The following SLC45A4 variants were observed in gnomAD, a reference collection of about 807,000 sequenced individuals.
SLC45A4 encodes the protein solute carrier family 45 member 4.
Under a neutral mutation model 63.7 loss-of-function variants are expected in SLC45A4, and 32 were observed. The observed-to-expected ratio is 0.50, with a 90% CI of 0.38 to 0.67. The LOEUF (loss-of-function observed/expected upper bound fraction) is 0.67. Ranked by LOEUF, SLC45A4 falls within the 30% of genes least tolerant of loss-of-function variation. The probability of loss-of-function intolerance (pLI) is 0.00; values close to 1 mark genes in which losing one functional copy is unlikely to be tolerated. For synonymous variants in SLC45A4, 535 were observed against 510.0 expected, an observed-to-expected ratio of 1.05 and a Z score of -0.66; for missense variants, 1,027 against 1,157.7, an observed-to-expected ratio of 0.89 and a Z score of 1.64.
Position 141,254,866 on chromosome 8 carries a change from G to A in SLC45A4, c.-400-237C>T, listed in dbSNP as rs1045684302. Reference sequence around the variant, plus strand: ...GAAGGACAAAGGTGGGGCAATCAAGGAAAGCAGGATCAAAGAACAGACAGA... The same window carrying A: ...GAAGGACAAAGGTGGGGCAATCAAGAAAAGCAGGATCAAAGAACAGACAGA... On this transcript the variant is annotated intron_variant, in intron 1 of 8. Transcript: ENST00000517878. This position sits in a 1 kb window ranked among gnomAD's most constrained non-coding sequence, Gnocchi z 4.5. 3 of 425,168 alleles carry A rather than the reference G, an allele frequency of 7.1e-6. No individual in the cohort carries two copies. Among genetic ancestry groups the A allele is most frequent in the African/African-American group, 4.1e-5 (2 of 49,338 alleles). 26.3% of individuals were successfully genotyped at this position (425,168 alleles called of 1,614,324 possible).
intron 4 of SLC45A4, 39 bp downstream of exon 4, chr8:141,219,611 T>C (rs756962903): frequency 2.5e-6 from 4 of 1,571,444 alleles, no homozygotes; most frequent in Middle Eastern, 1.7e-4. Flanking sequence ...CCCGGGCACG[T>C]TGGAACCCGG....
chr8:141,298,334 G>C (rs926301688), intron 1 of SLC45A4, among the ~76,000 whole-genome samples: 5 of 152,230 alleles, frequency 3.3e-5, no homozygotes, highest in African/African-American at 1.2e-4. Context: ...CCCAGCCATG[G>C]GTCAGATGCC....
chr8:141,211,263 G>C lies in SLC45A4; in HGVS notation c.*309C>G, dbSNP rs561396591. ...TTTCCTTCCCCCTGACGTTGGGAGCGGTCTGGAGGGGCAACCTGGCCTCCT... is the reference window on the plus strand; with the variant it reads ...TTTCCTTCCCCCTGACGTTGGGAGCCGTCTGGAGGGGCAACCTGGCCTCCT... On this transcript the variant is annotated 3_prime_UTR_variant, in exon 9 of 9. Transcript: ENST00000517878. 1 of 527,178 alleles carries C rather than the reference G, an allele frequency of 1.9e-6. No individual in the cohort carries two copies. Among genetic ancestry groups the C allele is most frequent in the East Asian group, 3.4e-5 (1 of 29,124 alleles). The allele number at this position is 527,178 out of a possible 1,614,324, so 32.7% of individuals were successfully genotyped here.
chr8:141,304,173 C>T (rs1830829019), intron 1 of SLC45A4, among the ~76,000 whole-genome samples: 1 of 152,044 alleles, frequency 6.6e-6, no homozygotes, highest in Non-Finnish European at 1.5e-5. Context: ...ACCTATAACC[C>T]AGCAGCTACT....
At position 141,212,255 on chromosome 8, in the gene SLC45A4, G is replaced by A; in HGVS notation, c.2243C>T (p.Thr748Ile). Residue 748 changes from threonine (T) to isoleucine (I), a missense_variant, in exon 8 of 9, where the codon ACC becomes ATC. By Grantham distance (89) the Thr-to-Ile change is moderately conservative. Transcript: ENST00000517878. The stretch of plus-strand genomic sequence containing the variant: ...CTCCTTCCGCGTGAGCTTCAGCACG[G>A]TGGGCTTTTCGCTGTTCCCACCGGC... Reference protein sequence around the residue: ...GRAGGNSEKPTVLKLTRKEGL... With the variant: ...GRAGGNSEKPIVLKLTRKEGL... 1 of 1,585,274 alleles carries A rather than the reference G, an allele frequency of 6.3e-7. No homozygotes were observed. Among genetic ancestry groups the A allele is most frequent in the Non-Finnish European group, 8.6e-7 (1 of 1,164,234 alleles).
At chr8:141,298,911 G>A (rs987698410) in intron 1 of SLC45A4, among the ~76,000 whole-genome samples, 1 of 152,112 alleles carries the variant, frequency 6.6e-6, no homozygotes, top group African/African-American at 2.4e-5. Flanking sequence ...AGTGGGGGGT[G>A]GGGGGAGCTG....
At chr8:141,245,951 G>A (rs1204688818) in intron 2 of SLC45A4, among the ~76,000 whole-genome samples, 2 of 152,222 alleles carry the variant, frequency 1.3e-5, no homozygotes, top group Non-Finnish European at 2.9e-5. Flanking sequence ...TGATGCTGAT[G>A]ATGGCAGAGA....
chr8:141,239,769 G>A (rs1827814516), intron 2 of SLC45A4, among the ~76,000 whole-genome samples: 1 of 152,162 alleles, frequency 6.6e-6, no homozygotes, highest in Non-Finnish European at 1.5e-5. Flanking sequence ...TCCTAAGAAG[G>A]GCTGGGCTCA....
At chr8:141,246,216 C>A (rs1480228806) in intron 2 of SLC45A4, among the ~76,000 whole-genome samples, 1 of 152,156 alleles carries the variant, frequency 6.6e-6, no homozygotes, top group East Asian at 1.9e-4. Flanking sequence ...GGAAGCAGTG[C>A]AAAGAGTCTG....
intron 1 of SLC45A4, among the ~76,000 whole-genome samples, chr8:141,271,535 G>A (rs1385362887): frequency 6.6e-6 from 1 of 152,208 alleles, no homozygotes; most frequent in South Asian, 2.1e-4. Flanking sequence ...TCGAGAGGCT[G>A]TGTGGGTGGA....
At position 141,233,078 on chromosome 8, in the gene SLC45A4, C is replaced by T. The variant is rs1183073418; in HGVS notation, c.242-11313G>A. On this transcript the variant is annotated intron_variant, in intron 2 of 8. Coordinates refer to ENST00000517878, the MANE Select transcript of SLC45A4 (RefSeq NM_001286646.2). ...GTCGGGCATTAGGAAGTGCTAAGTGCGCGTTAACTTTGCTAACCTAAATCA... is the reference window on the plus strand; with the variant it reads ...GTCGGGCATTAGGAAGTGCTAAGTGTGCGTTAACTTTGCTAACCTAAATCA... Among the ~76,000 whole-genome samples, 5 of 152,216 alleles carry T rather than the reference C, an allele frequency of 3.3e-5. No homozygotes were observed. In the South Asian group the frequency reaches 8.3e-4, roughly 25 times the overall value.
intron 1 of SLC45A4, among the ~76,000 whole-genome samples, chr8:141,266,653 G>C (rs901059817): frequency 1.3e-5 from 2 of 152,220 alleles, no homozygotes; most frequent in Non-Finnish European, 2.9e-5. Context: ...AAAAGTATTC[G>C]CAAAAGACAT....
chr8:141,251,067 G>A (rs927526158), intron 2 of SLC45A4, among the ~76,000 whole-genome samples: 1 of 152,088 alleles, frequency 6.6e-6, no homozygotes, highest in African/African-American at 2.4e-5. Context: ...TCAGGAACCG[G>A]AGGTTCTAAA....
intron 1 of SLC45A4, among the ~76,000 whole-genome samples, chr8:141,277,575 T>C (rs1168869278): frequency 3.9e-5 from 6 of 152,194 alleles, no homozygotes; most frequent in Non-Finnish European, 8.8e-5. Context: ...TAGATTTTAC[T>C]GTTAGTTCAC....
chr8:141,266,637 C>G (rs888878646), intron 1 of SLC45A4, among the ~76,000 whole-genome samples: 1 of 152,148 alleles, frequency 6.6e-6, no homozygotes, highest in African/African-American at 2.4e-5. Context: ...AAGCCACAAA[C>G]GGGGTAAAAG....
chr8:141,250,803 C>T (rs1828429408), intron 2 of SLC45A4, among the ~76,000 whole-genome samples: 1 of 152,098 alleles, frequency 6.6e-6, no homozygotes, highest in Non-Finnish European at 1.5e-5. Context: ...TGGGACATAC[C>T]CCCGTTGCAA....
intron 1 of SLC45A4, among the ~76,000 whole-genome samples, chr8:141,287,426 G>A (rs1316551367): frequency 1.3e-5 from 2 of 152,140 alleles, no homozygotes; most frequent in African/African-American, 4.8e-5. Flanking sequence ...GGCACGGAGC[G>A]CAGACTGTGC....
Position 141,229,416 on chromosome 8 carries a change from T to C in SLC45A4, c.242-7651A>G, listed in dbSNP as rs894092026. ...GCCCACCCCACCCTACCTCCTCTTC[T>C]AGAAAACACCAGGCTCACATCCCGC... On this transcript the variant is annotated intron_variant, in intron 2 of 8. Coordinates refer to ENST00000517878, the MANE Select transcript of SLC45A4 (RefSeq NM_001286646.2). This position sits in a 1 kb window ranked among gnomAD's most constrained non-coding sequence, Gnocchi z 5.0. Among the ~76,000 whole-genome samples, 2 of 151,786 alleles carry C rather than the reference T, an allele frequency of 1.3e-5. No individual in the cohort carries two copies. The highest frequency in any genetic ancestry group is 2.9e-5 in the Non-Finnish European group (2 of 67,944).
intron 1 of SLC45A4, among the ~76,000 whole-genome samples, chr8:141,293,860 G>A (rs1462901572): frequency 6.6e-6 from 1 of 151,636 alleles, no homozygotes; most frequent in Non-Finnish European, 1.5e-5. Context: ...TTGAACCTTG[G>A]AGGTGGAGGT....
Sources: gnomAD v4.1 joint callset for allele counts (sites outside exome capture counted in the v4.1 genomes callset) on GRCh38, gnomAD v4.1.1 for gene constraint, Gnocchi (gnomAD v3.1) non-coding constraint, MANE v1.5 for transcripts, NCBI Gene and HGNC (gene_info 2026-07-23, HGNC 2026-07-21) for gene names.